TEX101: variants seen among roughly 807,000 people sequenced by gnomAD.
TEX101 encodes the protein testis expressed 101, also known as testis-expressed protein 101.
A neutral mutation model predicts 18.1 loss-of-function variants in TEX101; 10 were observed. The observed-to-expected ratio is 0.55, with a 90% confidence interval of 0.34 to 0.94. The LOEUF is 0.94. TEX101 is among the 40% of genes least tolerant of loss of function. The pLI is 0.02. For synonymous variants in TEX101, 94 were observed against 114.8 expected, an observed-to-expected ratio of 0.82 and a Z score of 1.16; for missense variants, 259 against 298.9, an observed-to-expected ratio of 0.87 and a Z score of 0.98.
intron 2 of TEX101, among the ~76,000 whole-genome samples, chr19:43,403,064 A>G (rs753840495): frequency 3.9e-5 from 6 of 152,182 alleles, no homozygotes; most frequent in Non-Finnish European, 7.3e-5. Flanking sequence ...TTCCTCCCAT[A>G]TCCCAACTGC....
At chr19:43,407,790 A>G (rs1236826258) in intron 3 of TEX101, among the ~76,000 whole-genome samples, 1 of 152,184 alleles carries the variant, frequency 6.6e-6, no homozygotes, top group Non-Finnish European at 1.5e-5. Flanking sequence ...CGCCAACAGG[A>G]CGCAGTGCAG....
At chr19:43,406,029 G>A (rs181489857) in intron 2 of TEX101, among the ~76,000 whole-genome samples, 1 of 140,992 alleles carries the variant, frequency 7.1e-6, no homozygotes, top group Admixed American at 7.5e-5. Context: ...AGGATCACTT[G>A]AGGCCAGGAG....
intron 2 of TEX101, among the ~76,000 whole-genome samples, chr19:43,405,009 C>A (rs1313884710): frequency 6.6e-6 from 1 of 151,584 alleles, no homozygotes; most frequent in Admixed American, 6.6e-5. Flanking sequence ...GGCAAATACA[C>A]GTTAAAATGT....
chr19:43,393,393 T>A, the TEX101 span, among the ~76,000 whole-genome samples: 65,172 of 151,964 alleles, frequency 0.43, 14,845 homozygotes, highest in East Asian at 0.72. Context: ...TGACTGGGTG[T>A]CCATGCACAA....
At chr19:43,392,183 A>T in the TEX101 span, among the ~76,000 whole-genome samples, 1 of 152,086 alleles carries the variant, frequency 6.6e-6, no homozygotes, top group Non-Finnish European at 1.5e-5. Context: ...GACAGAGAGC[A>T]AAGGGGACAG....
At chr19:43,412,513 TGAA>T (rs894741941), upstream of TEX101, among the ~76,000 whole-genome samples, 4 of 151,916 alleles carry the variant, frequency 2.6e-5, no homozygotes, top group Non-Finnish European at 5.9e-5. Context: ...AGAAATGGGG[TGAA>T]GAATAGAGGT....
chr19:43,391,865 G>A, the TEX101 span, among the ~76,000 whole-genome samples: 2 of 152,248 alleles, frequency 1.3e-5, no homozygotes, highest in Non-Finnish European at 2.9e-5. Flanking sequence ...GAGTGCATTG[G>A]TGAGAGGATG....
intron 2 of TEX101, among the ~76,000 whole-genome samples, chr19:43,406,068 G>A (rs542486717): frequency 1.4e-4 from 11 of 79,462 alleles, no homozygotes; most frequent in Admixed American, 6.7e-4. Flanking sequence ...AACATAAGGA[G>A]ACCCTGTCTC....
chr19:43,413,770 C>T (rs902249546), upstream of TEX101, among the ~76,000 whole-genome samples: 26 of 151,844 alleles, frequency 1.7e-4, no homozygotes, highest in South Asian at 2.1e-4. Context: ...CTGGTCAACA[C>T]GGCGAAACCC....
rs1970457127 is a variant in TEX101 at position 43,414,977 on chromosome 19, C to G, written c.-101C>G. On this transcript the variant is annotated 5_prime_UTR_variant, in exon 1 of 6. Coordinates refer to ENST00000598265, the MANE Select transcript of TEX101 (RefSeq NM_001130011.3). Reference sequence around the variant, plus strand: ...TGTGAGGCGTCTGCCTGGAAGCCGGCAGCAATTTTGCTTCTTTAAAGAGAA... The same window carrying G: ...TGTGAGGCGTCTGCCTGGAAGCCGGGAGCAATTTTGCTTCTTTAAAGAGAA... 4.1e-6 allele frequency: 4 copies of G among 985,392 alleles called. No individual in the cohort carries two copies. The highest frequency in any genetic ancestry group is 5.2e-4 in the Middle Eastern group (1 of 1,914). 61.0% of individuals were successfully genotyped at this position (985,392 alleles called of 1,614,324 possible). A position where few individuals can be genotyped will look rare whatever the true frequency, so the allele number is the denominator to read the frequency against.
rs1328749061 is a variant in TEX101 at position 43,416,544 on chromosome 19, G to T, written c.380G>T (p.Ser127Ile). The change falls in exon 4 of 6, where the codon AGT becomes ATT. Residue 127 changes from serine to isoleucine, a missense_variant. Ser to Ile is a moderately radical substitution (Grantham distance 142). Transcript: ENST00000598265. ...AGCCTGTCTCAGTTTTGGGAGTTCA[G>T]TGAGACCACAGGTACCCTGGAAGTG... The part of the protein sequence containing the change: ...KDSLSQFWEF[S>I]ETTASTVSTT... 1.2e-6 allele frequency: 2 copies of T among 1,613,540 alleles called. No individual in the cohort carries two copies. The highest frequency in any genetic ancestry group is 1.7e-6 in the Non-Finnish European group (2 of 1,179,702).
chr19:43,417,689 G>T (rs1443887513), intron 4 of TEX101, among the ~76,000 whole-genome samples, 189 bp from the exon 5 acceptor site: 1 of 152,214 alleles, frequency 6.6e-6, no homozygotes, highest in Non-Finnish European at 1.5e-5. Flanking sequence ...CACCTCAGCA[G>T]AGTTTGGAAG....
Position 43,416,420 on chromosome 19 carries a change from G to A in TEX101, c.256G>A (p.Glu86Lys). The A allele has an allele frequency of 1.2e-6, 2 of 1,614,162 alleles. No homozygotes were observed. The highest frequency in any genetic ancestry group is 1.7e-6 in the Non-Finnish European group (2 of 1,180,022). ...CACGAAGGGCTGCATCCCGGAAGGG[G>A]AGGAGGCCATAACAATTGTCCAGCA... ...LATKGCIPEGEEAITIVQHSS... is the reference protein window; with the variant it reads ...LATKGCIPEGKEAITIVQHSS... Residue 86 changes from glutamate to lysine, a missense_variant, in exon 4 of 6, where the codon GAG becomes AAG. Coordinates refer to ENST00000598265, the MANE Select transcript of TEX101 (RefSeq NM_001130011.3).
intron 3 of TEX101, among the ~76,000 whole-genome samples, chr19:43,406,934 T>TTTG (rs1555745355): frequency 2.8e-5 from 3 of 108,360 alleles, no homozygotes; most frequent in African/African-American, 1.1e-4. Context: ...GTTTTTTGTT[T>TTTG]TTTTTTTTTT....
At chr19:43,418,091 A>G in intron 5 of TEX101, 77 bp from the exon 6 acceptor site, 1 of 1,611,830 alleles carries the variant, frequency 6.2e-7, no homozygotes, top group Non-Finnish European at 8.5e-7. Context: ...TGAGCTCTCC[A>G]GGGATGAGGG....
intron 1 of TEX101, chr19:43,401,685 C>T (rs1322329254): frequency 1.3e-5 from 2 of 152,178 alleles, no homozygotes; most frequent in East Asian, 3.8e-4. Flanking sequence ...GAAACTCTGT[C>T]TCTACTAAAA....
chr19:43,393,201 C>A, the TEX101 span, among the ~76,000 whole-genome samples: 319 of 152,268 alleles, frequency 2.1e-3, 2 homozygotes, highest in African/African-American at 7.2e-3. Context: ...AAGTGAGCCA[C>A]AGACACACAG....
intron 2 of TEX101, among the ~76,000 whole-genome samples, chr19:43,403,787 C>T (rs1301854990): frequency 6.6e-6 from 1 of 151,762 alleles, no homozygotes; most frequent in African/African-American, 2.4e-5. Context: ...AAAATCTGGC[C>T]CACAAAGACC....
the TEX101 span, among the ~76,000 whole-genome samples, chr19:43,392,251 A>AAGAGCC: frequency 6.6e-6 from 1 of 152,242 alleles, no homozygotes; most frequent in South Asian, 2.1e-4. Flanking sequence ...GGAGAACTCA[A>AAGAGCC]AGAGCCAGAG....
Sources: allele counts gnomAD v4.1 joint callset (sites outside exome capture counted in the v4.1 genomes callset), GRCh38; gene constraint gnomAD v4.1.1; transcripts MANE v1.5; gene names NCBI Gene and HGNC (gene_info 2026-07-23, HGNC 2026-07-21).